NLRC3: variants seen among roughly 807,000 people sequenced by gnomAD.
NLRC3 encodes the protein NLR family CARD domain containing 3, also known as NLR family CARD domain-containing protein 3.
NLRC3 carries 87 observed loss-of-function variants against 91.6 expected under a neutral mutation model. The ratio of observed to expected loss-of-function variants is 0.95; its 90% CI spans 0.80 to 1.14. NLRC3 has a LOEUF of 1.14. Ranked by LOEUF, NLRC3 falls within the 50% of genes most tolerant of loss-of-function variation. The pLI is 0.00. For synonymous variants in NLRC3, 694 were observed against 625.3 expected (o/e 1.11, Z -1.64); for missense variants, 1,577 against 1,418.6 (o/e 1.11, Z -1.79).
chr16:3,542,941 G>A, intron 17 of NLRC3, 166 bp from the exon 18 acceptor site: 3 of 590,344 alleles, frequency 5.1e-6, no homozygotes, highest in Non-Finnish European at 9.1e-6. Flanking sequence ...GGCAGAGCTG[G>A]CTCTGGGAAG....
chr16:3,569,394 ATTATTT>A (rs2040012357), intron 1 of NLRC3, among the ~76,000 whole-genome samples: 1 of 47,276 alleles, frequency 2.1e-5, no homozygotes, highest in African/African-American at 9.5e-5. Context: ...ATATATATAT[ATTATTT>A]TTTTTTTTTT....
intron 8 of NLRC3, 36 bp downstream of exon 8, chr16:3,556,875 C>T (rs2039362757): frequency 6.7e-7 from 1 of 1,485,528 alleles, no homozygotes; most frequent in Non-Finnish European, 9.4e-7. Flanking sequence ...TGGGCCCTCT[C>T]TTGGGGTCAC....
intron 15 of NLRC3, among the ~76,000 whole-genome samples, 181 bp downstream of exon 15, chr16:3,547,954 A>G (rs1396214888): frequency 6.6e-6 from 1 of 152,230 alleles, no homozygotes; most frequent in East Asian, 1.9e-4. Context: ...TACAGGCGTG[A>G]GCCAACGCAC....
chr16:3,571,754 A>G (rs960952605), intron 1 of NLRC3, among the ~76,000 whole-genome samples: 2 of 151,764 alleles, frequency 1.3e-5, no homozygotes, highest in Non-Finnish European at 2.9e-5. Context: ...AGCCTGGCCA[A>G]CATGGTGAAA....
chr16:3,549,430 G>A (rs549882417), intron 12 of NLRC3, among the ~76,000 whole-genome samples: 11 of 152,288 alleles, frequency 7.2e-5, no homozygotes, highest in Middle Eastern at 3.4e-3. Context: ...AGGACCATCC[G>A]CAGTACAGGG....
At chr16:3,565,118 A>G (rs768885122) in intron 3 of NLRC3, 58 bp from the exon 4 acceptor site, 2 of 1,362,554 alleles carry the variant, frequency 1.5e-6, no homozygotes, top group South Asian at 2.5e-5. Flanking sequence ...GCAGCCTGGG[A>G]CAGGTGAGCA....
Position 3,564,699 on chromosome 16 carries a change from G to T in NLRC3, c.238C>A (p.Leu80Met). 6.3e-7 allele frequency: 1 copy of T among 1,599,016 alleles called. No homozygotes were observed. Reference protein sequence around the residue: ...LLSKVGGGPELGGPWHRLASL... With the variant: ...LLSKVGGGPEMGGPWHRLASL... ...GCCAGCCTGTGCCAGGGTCCGCCCAGCTCCGGGCCACCTCCCACCTTGCTC... is the reference window on the plus strand; with the variant it reads ...GCCAGCCTGTGCCAGGGTCCGCCCATCTCCGGGCCACCTCCCACCTTGCTC... Residue 80 changes from leucine to methionine, a missense_variant, in exon 5 of 20, where the codon CTG becomes ATG. By Grantham distance (15) the Leu-to-Met change is conservative (BLOSUM62 2). Transcript: ENST00000359128. This position sits in a 1 kb window ranked among gnomAD's most constrained non-coding sequence, Gnocchi z 5.9.
rs115149481 is a variant in NLRC3, at chr16:3,547,062, G to A, written c.2771+1073C>T. Among the ~76,000 whole-genome samples, 630 of 152,290 alleles carry A rather than the reference G, an allele frequency of 4.1e-3. 12 individuals are homozygous for A. Among genetic ancestry groups the A allele is most frequent in the African/African-American group, 0.014 (586 of 41,568 alleles). On this transcript the variant is annotated intron_variant, in intron 15 of 19. Coordinates refer to ENST00000359128, the MANE Select transcript of NLRC3 (RefSeq NM_178844.4). The stretch of plus-strand genomic sequence containing the variant: ...CACTCCCAGGTATATCCAGCCAGGA[G>A]AAGGAAAGCTCACGTCCACACAGAA...
chr16:3,542,379 T>A (rs2038451452), intron 18 of NLRC3, 105 bp from the exon 19 acceptor site: 3 of 742,554 alleles, frequency 4.0e-6, no homozygotes, highest in Non-Finnish European at 4.7e-6. Flanking sequence ...CAGGCAGATG[T>A]GTCCACAGGT....
chr16:3,560,826 A>AT (rs1382486776), intron 6 of NLRC3, among the ~76,000 whole-genome samples: 3 of 150,938 alleles, frequency 2.0e-5, no homozygotes, highest in East Asian at 4.0e-4. Context: ...CGCCCGGCTA[A>AT]TTTTTTGTAT....
intron 12 of NLRC3, 114 bp downstream of exon 12, chr16:3,549,583 G>T: frequency 3.6e-6 from 3 of 831,004 alleles, no homozygotes; most frequent in Non-Finnish European, 5.9e-6. Context: ...CAGGCTGCCA[G>T]GAAGGCTTCC....
rs776180512 is a variant in NLRC3, at chr16:3,540,671, T to C, written c.*1154A>G. 4 of 151,996 alleles carry C rather than the reference T, an allele frequency of 2.6e-5. No homozygotes were observed. The highest frequency in any genetic ancestry group is 4.4e-5 in the Non-Finnish European group (3 of 68,072). 9.4% of individuals were successfully genotyped at this position (151,996 alleles called of 1,614,324 possible). The stretch of plus-strand genomic sequence containing the variant: ...TACAAAAATTAGCTGGGTGTGGTGG[T>C]GCGTGCCTGTAGACCCAACTACTTG... On this transcript the variant is annotated 3_prime_UTR_variant, in exon 20 of 20. Coordinates refer to ENST00000359128, the MANE Select transcript of NLRC3 (RefSeq NM_178844.4).
At chr16:3,550,943 A>G (rs1023572742) in intron 10 of NLRC3, among the ~76,000 whole-genome samples, 8 of 151,922 alleles carry the variant, frequency 5.3e-5, no homozygotes, top group Non-Finnish European at 1.0e-4. Context: ...CTATCCATCC[A>G]CTCACTTATT....
At position 3,565,342 on chromosome 16, in the gene NLRC3, T is replaced by C. The variant is rs2039832187; in HGVS notation, c.-48A>G. 1 of 628,630 alleles carries C rather than the reference T, an allele frequency of 1.6e-6. No homozygotes were observed. Among genetic ancestry groups the C allele is most frequent in the Admixed American group, 2.1e-5 (1 of 47,540 alleles). The allele number at this position is 628,630 out of a possible 1,614,324, so 38.9% of individuals were successfully genotyped here. A position where few individuals can be genotyped will look rare whatever the true frequency, so the allele number is the denominator to read the frequency against. ...ACCAGATAGGTGACTGAGGGCAGGCTGAGTCACCTCTCTGCGCCTTGGTGT... is the reference window on the plus strand; with the variant it reads ...ACCAGATAGGTGACTGAGGGCAGGCCGAGTCACCTCTCTGCGCCTTGGTGT... On this transcript the variant is annotated 5_prime_UTR_variant, in exon 3 of 20. Coordinates refer to ENST00000359128, the MANE Select transcript of NLRC3 (RefSeq NM_178844.4).
At chr16:3,567,889 C>T (rs1227690331) in intron 1 of NLRC3, among the ~76,000 whole-genome samples, 3 of 146,086 alleles carry the variant, frequency 2.1e-5, no homozygotes, top group Non-Finnish European at 3.0e-5. Context: ...TTTTTTGAGA[C>T]GGAGTCTGCT....
In NLRC3 at chr16:3,563,574, G is replaced by A. The variant is rs976345682; in HGVS notation, c.1363C>T (p.His455Tyr). 6.2e-7 allele frequency: 1 copy of A among 1,612,570 alleles called. No individual in the cohort carries two copies. Among genetic ancestry groups the A allele is most frequent in the Admixed American group, 1.7e-5 (1 of 59,926 alleles). ...LASSVAYCFT[H>Y]LSLQEFVAAA... ...GCCACAAACTCCTGCAGGGACAGGT[G>A]GGTGAAGCAGTAGGCCACTGACGAT... The change falls in exon 5 of 20, where the codon CAC becomes TAC. Residue 455 changes from histidine to tyrosine, a missense_variant. Transcript: ENST00000359128.
chr16:3,573,460 C>T (rs905477501), intron 1 of NLRC3, among the ~76,000 whole-genome samples: 1 of 152,126 alleles, frequency 6.6e-6, no homozygotes, highest in Non-Finnish European at 1.5e-5. Context: ...ATTATCTAAA[C>T]ATTCAAAGGT....
At chr16:3,548,544 G>T in intron 14 of NLRC3, 126 bp downstream of exon 14, 1 of 706,184 alleles carries the variant, frequency 1.4e-6, no homozygotes, top group Non-Finnish European at 2.4e-6. Flanking sequence ...GGCTAGCCCG[G>T]GCAGCCCCTG....
chr16:3,566,128 A>G (rs71388522), intron 2 of NLRC3, among the ~76,000 whole-genome samples: 1 of 148,116 alleles, frequency 6.8e-6, no homozygotes, highest in East Asian at 2.0e-4. Flanking sequence ...AAAAAAAAAA[A>G]GAATGAGCCA....
Sources: allele counts gnomAD v4.1 joint callset (sites outside exome capture counted in the v4.1 genomes callset), GRCh38; gene constraint gnomAD v4.1.1; non-coding constraint Gnocchi (gnomAD v3.1); transcripts MANE v1.5; gene names NCBI Gene and HGNC (gene_info 2026-07-23, HGNC 2026-07-21).